DCHS2: variants seen among roughly 807,000 people sequenced by gnomAD.
DCHS2 encodes dachsous cadherin-related 2.
In DCHS2, 142 loss-of-function variants were observed where a neutral mutation model predicts 182.4. That is an observed-to-expected ratio of 0.78 (90% CI 0.68 to 0.89). The LOEUF (loss-of-function observed/expected upper bound fraction) is 0.89, where lower values mean the gene tolerates loss of function less well. DCHS2 is among the 40% of genes least tolerant of loss of function. The pLI is 0.00. For synonymous variants in DCHS2, 1,740 were observed against 1,663.3 expected, an observed-to-expected ratio of 1.05 and a Z score of -1.12; for missense variants, 4,319 against 4,198.6, an observed-to-expected ratio of 1.03 and a Z score of -0.79.
chr4:154,312,653 AC>A (rs1415048513), intron 10 of DCHS2, among the ~76,000 whole-genome samples: 11 of 152,244 alleles, frequency 7.2e-5, no homozygotes, highest in African/African-American at 2.7e-4. Flanking sequence ...AGTATATGAT[AC>A]AGAGAAAATA....
Position 154,315,815 on chromosome 4 carries a change from G to A in DCHS2, c.5193C>T (p.Ala1731=), listed in dbSNP as rs753301916. 13 of 1,613,954 alleles carry A rather than the reference G, an allele frequency of 8.1e-6. No homozygotes were observed. The highest frequency in any genetic ancestry group is 1.6e-4 in the Middle Eastern group (1 of 6,062). Reference sequence around the variant, plus strand: ...CTGGATTTTGGTTTTCTTTCACTGAGGCTTCATACAGGTGCTGCTTAAATA... The same window carrying A: ...CTGGATTTTGGTTTTCTTTCACTGAAGCTTCATACAGGTGCTGCTTAAATA... ...APVFKQHLYE[A]SVKENQNPGE... is the part of the protein sequence containing the mutation. The change falls in exon 10 of 20, where the codon GCC becomes GCT. Residue 1731 remains alanine (A), a synonymous_variant. Coordinates refer to ENST00000357232, the MANE Select transcript of DCHS2 (RefSeq NM_001358235.2).
chr4:154,236,509 A>C lies in DCHS2; in HGVS notation c.8143T>G (p.Leu2715Val), dbSNP rs1731513996. 1 of 1,613,992 alleles carries C rather than the reference A, an allele frequency of 6.2e-7. No individual in the cohort carries two copies. The highest frequency in any genetic ancestry group is 8.5e-7 in the Non-Finnish European group (1 of 1,179,962). Reference sequence around the variant, plus strand: ...TAAAGAACTCCAGTGTTTTCTTCTAAGTAAAAATGTCCCTTCTCATTTCCA... The same window carrying C: ...TAAAGAACTCCAGTGTTTTCTTCTACGTAAAAATGTCCCTTCTCATTTCCA... ...ISGNEKGHFY[L>V]EENTGVLYLI... Residue 2715 changes from leucine to valine, a missense_variant, in exon 20 of 20, where the codon TTA becomes GTA. Physicochemically the swap from Leu to Val is conservative, Grantham distance 32. Transcript: ENST00000357232.
At chr4:154,353,295 TA>T (rs140985871) in intron 3 of DCHS2, among the ~76,000 whole-genome samples, 5 of 149,788 alleles carry the variant, frequency 3.3e-5, no homozygotes, top group Admixed American at 1.3e-4. Context: ...AGCCCACAAT[TA>T]AAAAAAAACA....
intron 1 of DCHS2, among the ~76,000 whole-genome samples, chr4:154,476,405 G>A (rs780142187): frequency 7.2e-5 from 11 of 152,160 alleles, no homozygotes; most frequent in Non-Finnish European, 1.2e-4. Context: ...TGTCTGATAC[G>A]AAATTACAAC....
chr4:154,292,594 C>A (rs1262973188), intron 13 of DCHS2, among the ~76,000 whole-genome samples: 1 of 152,192 alleles, frequency 6.6e-6, no homozygotes, highest in Non-Finnish European at 1.5e-5. Flanking sequence ...TCTCCAAGCA[C>A]CTTATTTTGC....
chr4:154,347,781 G>A (rs748368604), intron 3 of DCHS2, among the ~76,000 whole-genome samples: 82 of 151,980 alleles, frequency 5.4e-4, no homozygotes, highest in Non-Finnish European at 1.1e-3. Flanking sequence ...TAGGAAGTCC[G>A]CTGGAAGAGC....
intron 1 of DCHS2, among the ~76,000 whole-genome samples, chr4:154,385,887 A>G (rs977770656): frequency 1.3e-5 from 2 of 152,000 alleles, no homozygotes; most frequent in African/African-American, 4.8e-5. Flanking sequence ...CCAGCCCACG[A>G]CACTACACCA....
chr4:154,333,456 C>T lies in DCHS2; in HGVS notation c.2752G>A (p.Asp918Asn). 1 of 1,613,784 alleles carries T rather than the reference C, an allele frequency of 6.2e-7. No homozygotes were observed. The highest frequency in any genetic ancestry group is 1.3e-5 in the African/African-American group (1 of 74,996). Residue 918 changes from aspartate (D) to asparagine (N), a missense_variant, in exon 5 of 20, where the codon GAT becomes AAT. Physicochemically the swap from Asp to Asn is conservative, Grantham distance 23. Transcript: ENST00000357232. ...EPIFYRISSG[D>N]LGGKFSIHPR... Reference sequence around the variant, plus strand: ...TGAATGGAGAACTTTCCGCCGAGATCACCAGAAGAAATCCTGTAAAAGATT... The same window carrying T: ...TGAATGGAGAACTTTCCGCCGAGATTACCAGAAGAAATCCTGTAAAAGATT...
At chr4:154,288,449 A>C (rs1325223094) in intron 13 of DCHS2, among the ~76,000 whole-genome samples, 1 of 152,088 alleles carries the variant, frequency 6.6e-6, no homozygotes, top group Admixed American at 6.5e-5. Flanking sequence ...AGAGAGATTG[A>C]CCCCAGTACA....
At chr4:154,278,894 A>C (rs1475957534) in intron 13 of DCHS2, among the ~76,000 whole-genome samples, 1 of 152,176 alleles carries the variant, frequency 6.6e-6, no homozygotes, top group Admixed American at 6.5e-5. Context: ...GAGTCCTTCA[A>C]GTTGAAACAA....
At chr4:154,354,083 C>T (rs770449433) in intron 3 of DCHS2, among the ~76,000 whole-genome samples, 54 of 152,238 alleles carry the variant, frequency 3.5e-4, no homozygotes, top group Non-Finnish European at 6.5e-4. Context: ...TGTGCCACCA[C>T]GCCCGGTTAA....
At chr4:154,261,387 G>C (rs1052747085) in intron 14 of DCHS2, among the ~76,000 whole-genome samples, 1 of 152,136 alleles carries the variant, frequency 6.6e-6, no homozygotes, top group African/African-American at 2.4e-5. Context: ...CATCACATAT[G>C]GATTTAATAT....
intron 1 of DCHS2, among the ~76,000 whole-genome samples, chr4:154,404,587 C>T (rs904759914): frequency 3.9e-5 from 6 of 152,114 alleles, no homozygotes; most frequent in African/African-American, 1.4e-4. Flanking sequence ...TGTACTTTTG[C>T]CTACTTGACC....
chr4:154,331,859 A>T (rs72966161), intron 5 of DCHS2: 64,259 of 784,506 alleles, frequency 0.082, 3,094 homozygotes, highest in African/African-American at 0.2. Context: ...CTCCCCGTAA[A>T]CTTATACAAC....
rs148618741 is a variant in DCHS2, at chr4:154,454,993, ATG to A, written c.2052+34309_2052+34310del. 3.9e-3 allele frequency among the ~76,000 whole-genome samples: 599 copies of A among 152,336 alleles called. 4 individuals are homozygous for A. Among genetic ancestry groups the A allele is most frequent in the Non-Finnish European group, 6.6e-3 (450 of 68,018 alleles). On this transcript the variant is annotated intron_variant, in intron 1 of 19. Coordinates refer to ENST00000357232, the MANE Select transcript of DCHS2 (RefSeq NM_001358235.2). ...GTCACTACAGGCTTTGTCATCAATG[ATG>A]TCAATGTGAGGCAGCAGCTAAAGAA... is the stretch of plus-strand genomic sequence containing the variant.
At position 154,490,998 on chromosome 4, in the gene DCHS2, G is replaced by T. The variant is rs1387029423; in HGVS notation, c.358C>A (p.Pro120Thr). Residue 120 changes from proline to threonine, a missense_variant, in exon 1 of 20, where the codon CCG becomes ACG. By Grantham distance (38) the Pro-to-Thr change is conservative (BLOSUM62 -1). Coordinates refer to ENST00000357232, the MANE Select transcript of DCHS2 (RefSeq NM_001358235.2). ...GCAGTGCGGATGATGCCGGTGTCCG[G>T]GTGCACGTGGAAGTCGTCCAGCAGC... Reference protein sequence around the residue: ...SPLLDDFHVHPDTGIIRTARR... With the variant: ...SPLLDDFHVHTDTGIIRTARR... 6.4e-7 allele frequency: 1 copy of T among 1,550,440 alleles called. No individual in the cohort carries two copies. Among genetic ancestry groups the T allele is most frequent in the African/African-American group, 1.4e-5 (1 of 73,146 alleles).
chr4:154,234,212 A>G lies in DCHS2; in HGVS notation c.*324T>C, dbSNP rs965806498. The stretch of plus-strand genomic sequence containing the variant: ...AGAGTACACTATATTTTGTTTCCAT[A>G]TAAACATTCTGGCAGTCAGTTAAGT... On this transcript the variant is annotated 3_prime_UTR_variant, in exon 20 of 20. Coordinates refer to ENST00000357232, the MANE Select transcript of DCHS2 (RefSeq NM_001358235.2). 6 of 223,232 alleles carry G rather than the reference A, an allele frequency of 2.7e-5. No individual in the cohort carries two copies. The highest frequency in any genetic ancestry group is 5.2e-5 in the Non-Finnish European group (6 of 114,604). 13.8% of individuals were successfully genotyped at this position (223,232 alleles called of 1,614,324 possible). A position where few individuals can be genotyped will look rare whatever the true frequency, so the allele number is the denominator to read the frequency against.
At chr4:154,386,039 T>G (rs183152839) in intron 1 of DCHS2, among the ~76,000 whole-genome samples, 1 of 152,176 alleles carries the variant, frequency 6.6e-6, no homozygotes, top group African/African-American at 2.4e-5. Flanking sequence ...AACTCCTGAT[T>G]CCCACCCCAC....
Position 154,411,669 on chromosome 4 carries a change from G to A in DCHS2, c.2053-34225C>T, listed in dbSNP as rs918620519. ...ACAACACAAGCTATAGTTAATAACAGTGTATTATATTCAGGATATTTGCTA... is the reference window on the plus strand; with the variant it reads ...ACAACACAAGCTATAGTTAATAACAATGTATTATATTCAGGATATTTGCTA... On this transcript the variant is annotated intron_variant, in intron 1 of 19. Transcript: ENST00000357232. Among the ~76,000 whole-genome samples the A allele has an allele frequency of 4.9e-4, 74 of 152,146 alleles. 3 individuals are homozygous for A. The highest frequency in any genetic ancestry group is 1.5e-5 in the Non-Finnish European group (1 of 68,038).
Sources: allele counts gnomAD v4.1 joint callset (sites outside exome capture counted in the v4.1 genomes callset), GRCh38; gene constraint gnomAD v4.1.1; transcripts MANE v1.5; gene names NCBI Gene and HGNC (gene_info 2026-07-23, HGNC 2026-07-21).